ABLIM1: variants seen among roughly 807,000 people sequenced by gnomAD.
ABLIM1 encodes the protein actin binding LIM protein 1, also known as actin-binding LIM protein 1.
A neutral mutation model predicts 107.0 loss-of-function variants in ABLIM1; 40 were observed. The observed-to-expected ratio is 0.37, with a 90% CI of 0.29 to 0.49. The LOEUF (loss-of-function observed/expected upper bound fraction) is 0.49, where lower values mean the gene tolerates loss of function less well. Ranked by LOEUF, ABLIM1 falls within the 20% of genes least tolerant of loss-of-function variation. The pLI, the probability that ABLIM1 is intolerant of heterozygous loss-of-function variation, is 0.97. For missense variants in ABLIM1, 857 were observed against 1,008.5 expected, an observed-to-expected ratio of 0.85 and a Z score of 2.04; for synonymous variants, 357 against 357.3, an observed-to-expected ratio of 1.00 and a Z score of 0.01.
rs749944814 is a variant in ABLIM1 at position 114,571,329 on chromosome 10, G to A, written c.641C>T (p.Ser214Leu). ...CLCQLCAQPM[S>L]SSPKETTFSS... Reference sequence around the variant, plus strand: ...GAAGGTGGTTTCTTTCGGACTGGACGACATCGGCTGTGCACAGAGTTGACA... The same window carrying A: ...GAAGGTGGTTTCTTTCGGACTGGACAACATCGGCTGTGCACAGAGTTGACA... Residue 214 changes from serine to leucine, a missense_variant, in exon 4 of 23, where the codon TCG (serine) becomes TTG (leucine). Ser to Leu is a moderately radical substitution (Grantham distance 145). This residue lies in a region of ABLIM1 where 381 missense variants were observed against 506.9 expected (regional missense o/e 0.75). Coordinates refer to ENST00000533213, the MANE Select transcript of ABLIM1 (RefSeq NM_002313.7). The A allele has an allele frequency of 2.0e-5, 32 of 1,614,066 alleles. No homozygotes were observed. Among genetic ancestry groups the A allele is most frequent in the Admixed American group, 6.7e-5 (4 of 60,004 alleles).
the ABLIM1 span, among the ~76,000 whole-genome samples, chr10:114,773,119 A>G: frequency 1.3e-5 from 2 of 150,546 alleles, no homozygotes; most frequent in Non-Finnish European, 2.9e-5. Flanking sequence ...AAATAATAGG[A>G]GTCCTAAGAA....
intron 1 of ABLIM1, among the ~76,000 whole-genome samples, chr10:114,681,897 C>T (rs1243978309): frequency 2.0e-5 from 3 of 152,202 alleles, no homozygotes; most frequent in Admixed American, 6.5e-5. Flanking sequence ...CACTGGTCAC[C>T]GACTGTGGCA....
At chr10:114,443,818 A>G (rs2060594421) in intron 17 of ABLIM1, among the ~76,000 whole-genome samples, 1 of 152,122 alleles carries the variant, frequency 6.6e-6, no homozygotes, top group Admixed American at 6.5e-5. Context: ...AGAACCTCCA[A>G]GGGTTCACCC....
chr10:114,772,606 C>CA (rs1439027148), upstream of ABLIM1, among the ~76,000 whole-genome samples: 1 of 151,782 alleles, frequency 6.6e-6, no homozygotes, highest in Non-Finnish European at 1.5e-5. Flanking sequence ...GACCCTGTCT[C>CA]AAAAAAACAC....
intron 6 of ABLIM1, among the ~76,000 whole-genome samples, chr10:114,538,795 G>T (rs1422246608): frequency 6.6e-6 from 1 of 152,188 alleles, no homozygotes. Context: ...TGGGACGAGG[G>T]CCGAGCGCCT....
At position 114,633,120 on chromosome 10, in the gene ABLIM1, A is replaced by G. The variant is rs145935846; in HGVS notation, c.244+24837T>C. ...AAGACAGACATCACAAGGCAGGGAG[A>G]GCAGCAGATGGCTAACACATCTTTC... On this transcript the variant is annotated intron_variant, in intron 1 of 22. Coordinates refer to ENST00000533213, the MANE Select transcript of ABLIM1 (RefSeq NM_002313.7). Among the ~76,000 whole-genome samples the G allele has an allele frequency of 4.1e-3, 627 of 152,324 alleles. 5 individuals are homozygous for G. Among genetic ancestry groups the G allele is most frequent in the African/African-American group, 0.014 (585 of 41,562 alleles).
At chr10:114,715,096 C>T (rs2081633452) in intron 1 of ABLIM1, among the ~76,000 whole-genome samples, 1 of 152,122 alleles carries the variant, frequency 6.6e-6, no homozygotes, top group African/African-American at 2.4e-5. Flanking sequence ...TGAAAAGTTA[C>T]TCATTTTTAA....
chr10:114,529,982 G>A (rs753916375), intron 6 of ABLIM1, among the ~76,000 whole-genome samples: 4 of 152,156 alleles, frequency 2.6e-5, no homozygotes, highest in East Asian at 1.9e-4. Context: ...ATCTGAGATC[G>A]TGCCATTGCA....
chr10:114,622,247 CTT>C (rs71007483), intron 1 of ABLIM1, among the ~76,000 whole-genome samples: 41 of 136,482 alleles, frequency 3.0e-4, no homozygotes, highest in Admixed American at 3.0e-4. Flanking sequence ...TTTTCTTTTT[CTT>C]TTTTTTTTTT....
intron 6 of ABLIM1, among the ~76,000 whole-genome samples, chr10:114,511,261 C>T (rs978729634): frequency 1.1e-4 from 16 of 151,936 alleles, no homozygotes; most frequent in African/African-American, 3.6e-4. Context: ...AGAACAATGG[C>T]AGAACAAATA....
chr10:114,443,969 G>C (rs2060619075), intron 17 of ABLIM1, 60 bp downstream of exon 17: 1 of 1,363,354 alleles, frequency 7.3e-7, no homozygotes, highest in African/African-American at 1.5e-5. Flanking sequence ...GTCAAGGCAG[G>C]TGCCTTACAA....
intron 1 of ABLIM1, among the ~76,000 whole-genome samples, chr10:114,652,446 C>T (rs1476636871): frequency 3.9e-5 from 6 of 152,192 alleles, no homozygotes; most frequent in Admixed American, 6.5e-5. Flanking sequence ...TTACGTGATA[C>T]CCTGAGTATC....
rs2059104378 is a variant in ABLIM1, at chr10:114,433,897, T to C, written c.*2363A>G. 1 of 152,204 alleles carries C rather than the reference T, an allele frequency of 6.6e-6. No homozygotes were observed. Among genetic ancestry groups the C allele is most frequent in the Admixed American group, 6.5e-5 (1 of 15,286 alleles). 9.4% of individuals were successfully genotyped at this position (152,204 alleles called of 1,614,324 possible). ...ATTTCATCTGCACATGTCTGGGTGA[T>C]AATTCATTAATCAATGTAAAACGTA... On this transcript the variant is annotated 3_prime_UTR_variant, in exon 23 of 23. Coordinates refer to ENST00000533213, the MANE Select transcript of ABLIM1 (RefSeq NM_002313.7).
chr10:114,697,459 C>G (rs1031607133), intron 1 of ABLIM1, among the ~76,000 whole-genome samples: 1 of 152,238 alleles, frequency 6.6e-6, no homozygotes, highest in African/African-American at 2.4e-5. Flanking sequence ...GGGACCAGAG[C>G]CAGCCTCCGG....
chr10:114,761,747 A>G (rs760060707), intron 1 of ABLIM1, among the ~76,000 whole-genome samples: 6 of 151,990 alleles, frequency 3.9e-5, no homozygotes, highest in Non-Finnish European at 8.8e-5. Context: ...AAAATATGTC[A>G]TCTGGCAGCA....
chr10:114,543,674 G>C (rs1317287790), intron 6 of ABLIM1, among the ~76,000 whole-genome samples: 1 of 152,212 alleles, frequency 6.6e-6, no homozygotes, highest in Non-Finnish European at 1.5e-5. Flanking sequence ...CCAGCTACAA[G>C]CAGTTCAATG....
intron 1 of ABLIM1, among the ~76,000 whole-genome samples, chr10:114,613,964 A>C (rs2076973296): frequency 6.6e-6 from 1 of 152,056 alleles, no homozygotes; most frequent in South Asian, 2.1e-4. Flanking sequence ...TCATTCTCTT[A>C]TTTACCTTCA....
At chr10:114,769,398 AAAAGAAAGAAAGAAAGAAAAG>A (rs2082980392), upstream of ABLIM1, among the ~76,000 whole-genome samples, 1 of 135,458 alleles carries the variant, frequency 7.4e-6, no homozygotes, top group African/African-American at 2.9e-5. Flanking sequence ...AGAAAGAAAG[AAAAGAAAGAAAGAAAGAAAAG>A]AAGGAAAGAA....
the ABLIM1 span, among the ~76,000 whole-genome samples, chr10:114,786,101 A>AAGAGTTAGTTTTAAAAGG: frequency 1.3e-3 from 196 of 152,358 alleles, 1 homozygote; most frequent in Non-Finnish European, 1.6e-3. Context: ...GCAGAATTAC[A>AAGAGTTAGTTTTAAAAGG]TTCAGTTTTT....
Sources: allele counts gnomAD v4.1 joint callset (sites outside exome capture counted in the v4.1 genomes callset), GRCh38; gene constraint gnomAD v4.1.1; regional missense constraint gnomAD v4.1.1; transcripts MANE v1.5; gene names NCBI Gene and HGNC (gene_info 2026-07-23, HGNC 2026-07-21).